The following IL3RA variants were observed in gnomAD, a reference collection of about 807,000 sequenced individuals.
The protein encoded by IL3RA is interleukin 3 receptor subunit alpha, also known as interleukin-3 receptor subunit alpha.
IL3RA carries 73 observed loss-of-function variants against 52.3 expected under a neutral mutation model. The observed-to-expected ratio is 1.40, with a 90% CI of 1.16 to 1.70. IL3RA has a LOEUF of 1.70. Among genes scored for constraint, IL3RA ranks in the 40% most tolerant of loss-of-function variants. IL3RA has a pLI of 0.00. For synonymous variants in IL3RA, 260 were observed against 194.0 expected (o/e 1.34, Z -2.83); for missense variants, 664 against 504.4 (o/e 1.32, Z -3.03).
At chrX:1,354,181 C>T (rs1166604862) in intron 6 of IL3RA, among the ~76,000 whole-genome samples, 2 of 152,102 alleles carry the variant, frequency 1.3e-5, no homozygotes, top group Non-Finnish European at 2.9e-5. Context: ...ACGGGAGCCC[C>T]CATCATGGGG....
chrX:1,347,405 A>C lies in IL3RA; in HGVS notation c.184-1026A>C, dbSNP rs1376367280. On this transcript the variant is annotated intron_variant, in intron 3 of 11. Coordinates refer to ENST00000331035, the MANE Select transcript of IL3RA (RefSeq NM_002183.4). Reference sequence around the variant, plus strand: ...GCTTGCAGTGAGCCGAGATCGCGCCACTGCACTCCAGCCTGGGCGACAGAG... The same window carrying C: ...GCTTGCAGTGAGCCGAGATCGCGCCCCTGCACTCCAGCCTGGGCGACAGAG... 4.6e-5 allele frequency among the ~76,000 whole-genome samples: 7 copies of C among 151,330 alleles called. No homozygotes were observed. The East Asian group carries it at 5.8e-4, about 13-fold the overall frequency.
At chrX:1,355,850 G>C (rs1283511595) in intron 6 of IL3RA, among the ~76,000 whole-genome samples, 2 of 152,018 alleles carry the variant, frequency 1.3e-5, no homozygotes, top group Non-Finnish European at 1.5e-5. Context: ...AGTGGGCCAG[G>C]CTGCCCAGCG....
intron 1 of IL3RA, among the ~76,000 whole-genome samples, chrX:1,339,115 T>C (rs6422990): frequency 0.28 from 42,847 of 151,800 alleles, 6,691 homozygotes; most frequent in African/African-American, 0.41. Context: ...GCTGGGATTA[T>C]AGGCGTGAGC....
intron 2 of IL3RA, among the ~76,000 whole-genome samples, chrX:1,343,676 A>T (rs866665460): frequency 4.1e-5 from 6 of 144,970 alleles, no homozygotes; most frequent in African/African-American, 1.7e-4. Context: ...CAAAAAAAAA[A>T]AAAAAAAAAG....
At chrX:1,356,633 G>C (rs752451944) in intron 7 of IL3RA, among the ~76,000 whole-genome samples, 21 of 152,156 alleles carry the variant, frequency 1.4e-4, no homozygotes, top group Non-Finnish European at 2.2e-4. Flanking sequence ...TTAGCTGGGC[G>C]TGGTGGCACG....
intron 8 of IL3RA, among the ~76,000 whole-genome samples, chrX:1,364,785 T>G (rs1252938835): frequency 1.5e-5 from 2 of 130,926 alleles, no homozygotes; most frequent in African/African-American, 2.6e-5. Flanking sequence ...GCCCCTCTTT[T>G]CTTCTTTTAT....
intron 2 of IL3RA, among the ~76,000 whole-genome samples, chrX:1,344,242 T>C (rs1291131100): frequency 6.6e-6 from 1 of 151,956 alleles, no homozygotes; most frequent in Non-Finnish European, 1.5e-5. Context: ...GAGACCAGCC[T>C]GGCCAACATG....
chrX:1,367,991 C>G (rs2088294890), intron 9 of IL3RA, among the ~76,000 whole-genome samples: 1 of 152,080 alleles, frequency 6.6e-6, no homozygotes, highest in Non-Finnish European at 1.5e-5. Flanking sequence ...GGTCGTCCCA[C>G]TGACAGACAC....
rs2085694849 is a variant in IL3RA at position 1,345,367 on chromosome X, T to A, written c.116T>A (p.Leu39Ter). The A allele has an allele frequency of 1.9e-6, 3 of 1,611,656 alleles. No individual in the cohort carries two copies. Among genetic ancestry groups the A allele is most frequent in the Non-Finnish European group, 2.5e-6 (3 of 1,178,498 alleles). Residue 39 changes from leucine (L) to a stop codon, truncating the protein, a stop_gained, in exon 3 of 12, where the codon TTG becomes TAG. Coordinates refer to ENST00000331035, the MANE Select transcript of IL3RA (RefSeq NM_002183.4). LOFTEE classifies it high-confidence loss of function. ...NLRMKAKAQQ[L>*]TWDLNRNVTD... ...AGGATGAAAGCAAAGGCTCAGCAGT[T>A]GACCTGGGACCTTAACAGAAATGTG...
At position 1,377,904 on chromosome X, in the gene IL3RA, A is replaced by T. The variant is rs372895240; in HGVS notation, c.875-755A>T. On this transcript the variant is annotated intron_variant, in intron 9 of 11. Transcript: ENST00000331035. Reference sequence around the variant, plus strand: ...AAAAAAAAGAAAAAAGAAAAAAAATAGGCCGGGTGCGTGGCTGACGCCTGT... The same window carrying T: ...AAAAAAAAGAAAAAAGAAAAAAAATTGGCCGGGTGCGTGGCTGACGCCTGT... 3.8e-4 allele frequency among the ~76,000 whole-genome samples: 58 copies of T among 150,732 alleles called. 1 individual carries two copies. In the East Asian group the frequency reaches 5.7e-3, roughly 15 times the overall value.
At chrX:1,351,652 G>A (rs1192157765) in intron 4 of IL3RA, among the ~76,000 whole-genome samples, 2 of 141,616 alleles carry the variant, frequency 1.4e-5, no homozygotes, top group East Asian at 2.2e-4. Flanking sequence ...TTTTTGAGAC[G>A]AAGGCTCACT....
rs1293275376 is a variant in IL3RA at position 1,342,090 on chromosome X, A to T, written c.64+261A>T. On this transcript the variant is annotated intron_variant, in intron 2 of 11. Transcript: ENST00000331035. ...AGATGCCATGTGAGGTGTTTTGATG[A>T]AACTCACACGCTGGGATCAACAGCA... Among the ~76,000 whole-genome samples, 47 of 152,106 alleles carry T rather than the reference A, an allele frequency of 3.1e-4. 1 individual carries two copies. Among genetic ancestry groups the T allele is most frequent in the Admixed American group, 3.1e-3 (47 of 15,224 alleles).
At position 1,348,666 on chromosome X, in the gene IL3RA, C is replaced by CT. The variant is rs370120998; in HGVS notation, c.298+124dup. The CT allele has an allele frequency of 3.8e-5, 17 of 451,436 alleles. 1 individual carries two copies. Among genetic ancestry groups the CT allele is most frequent in the South Asian group, 1.1e-4 (4 of 35,416 alleles). The allele number at this position is 451,436 out of a possible 1,614,324, so 28.0% of individuals were successfully genotyped here. A position where few individuals can be genotyped will look rare whatever the true frequency, so the allele number is the denominator to read the frequency against. On this transcript the variant is annotated intron_variant, in intron 4 of 11. Coordinates refer to ENST00000331035, the MANE Select transcript of IL3RA (RefSeq NM_002183.4). Reference sequence around the variant, plus strand: ...TTTCTCTTTCTTTCTTTCTTTCTTTCTTTCTTTCTTTCTTTCTTTCTTTCT... The same window carrying CT: ...TTTCTCTTTCTTTCTTTCTTTCTTTCTTTTCTTTCTTTCTTTCTTTCTTTCT...
intron 4 of IL3RA, among the ~76,000 whole-genome samples, chrX:1,349,059 G>C (rs2085957655): frequency 6.6e-6 from 1 of 150,656 alleles, no homozygotes; most frequent in African/African-American, 2.4e-5. Flanking sequence ...CCAGGCTGGA[G>C]CGCAGTGGTG....
At chrX:1,377,914 C>T (rs2088900891) in intron 9 of IL3RA, among the ~76,000 whole-genome samples, 3 of 149,828 alleles carry the variant, frequency 2.0e-5, no homozygotes, top group South Asian at 2.1e-4. Flanking sequence ...AGGCCGGGTG[C>T]GTGGCTGACG....
At position 1,378,726 on chromosome X, in the gene IL3RA, G is replaced by A. The variant is rs777963151; in HGVS notation, c.942G>A (p.Thr314=). 3 of 1,612,536 alleles carry A rather than the reference G, an allele frequency of 1.9e-6. No individual in the cohort carries two copies. Among genetic ancestry groups the A allele is most frequent in the Non-Finnish European group, 1.7e-6 (2 of 1,179,832 alleles). The part of the protein sequence containing the change: ...WRTSLLIALG[T]LLALVCVFVI... ...CGTCGCTGCTGATCGCGCTGGGGAC[G>A]CTGCTGGCCCTGGTCTGTGTCTTCG... The change falls in exon 10 of 12, where the codon ACG becomes ACA. Residue 314 remains threonine, a synonymous_variant. Transcript: ENST00000331035.
In IL3RA at chrX:1,382,575, TAAC is replaced by T; in HGVS notation, c.*111_*113del. ...CACGCAGCCCAGGAATGGACATTCC[TAAC>T]GGGTGGTGGGCATGGGAGATGCCTG... On this transcript the variant is annotated 3_prime_UTR_variant, in exon 12 of 12. Coordinates refer to ENST00000331035, the MANE Select transcript of IL3RA (RefSeq NM_002183.4). 12 of 991,616 alleles carry T rather than the reference TAAC, an allele frequency of 1.2e-5. No individual in the cohort carries two copies. The highest frequency in any genetic ancestry group is 1.8e-5 in the Non-Finnish European group (11 of 618,026). 61.4% of individuals were successfully genotyped at this position (991,616 alleles called of 1,614,324 possible). A position where few individuals can be genotyped will look rare whatever the true frequency, so the allele number is the denominator to read the frequency against.
chrX:1,350,805 A>AG (rs2086049660), intron 4 of IL3RA, among the ~76,000 whole-genome samples: 1 of 151,650 alleles, frequency 6.6e-6, no homozygotes, highest in Non-Finnish European at 1.5e-5. Flanking sequence ...AGGCTGAGGC[A>AG]GGAGAATCAC....
chrX:1,377,047 C>T (rs768504696), intron 9 of IL3RA, among the ~76,000 whole-genome samples: 1 of 148,688 alleles, frequency 6.7e-6, no homozygotes, highest in East Asian at 2.1e-4. Flanking sequence ...ACTAAGACAT[C>T]TCATAAGAAG....
Sources: gnomAD v4.1 joint callset for allele counts (sites outside exome capture counted in the v4.1 genomes callset) on GRCh38, gnomAD v4.1.1 for gene constraint, MANE v1.5 for transcripts, NCBI Gene and HGNC (gene_info 2026-07-23, HGNC 2026-07-21) for gene names.